Variants in DSCAM observed in about 807,000 individuals in gnomAD.
The protein encoded by DSCAM is DS cell adhesion molecule.
DSCAM carries 47 observed loss-of-function variants against 217.7 expected under a neutral mutation model. The observed-to-expected ratio is 0.22, with a 90% CI of 0.17 to 0.28. The LOEUF (loss-of-function observed/expected upper bound fraction) is 0.28. DSCAM is among the 10% of genes least tolerant of loss of function. The pLI is 1.00. For synonymous variants in DSCAM, 1,056 were observed against 1,015.3 expected, an observed-to-expected ratio of 1.04 and a Z score of -0.76; for missense variants, 2,080 against 2,618.3, an observed-to-expected ratio of 0.79 and a Z score of 4.49.
At chr21:40,362,041 C>T (rs906864435) in intron 4 of DSCAM, among the ~76,000 whole-genome samples, 9 of 152,024 alleles carry the variant, frequency 5.9e-5, no homozygotes, top group Non-Finnish European at 7.4e-5. Context: ...TTTGTCCTTG[C>T]GATAGTTTAC....
At chr21:40,596,454 A>ATT (rs1214877159) in intron 3 of DSCAM, among the ~76,000 whole-genome samples, 1 of 152,178 alleles carries the variant, frequency 6.6e-6, no homozygotes, top group Admixed American at 6.5e-5. Context: ...AGCTTATTGA[A>ATT]TTTTGTGGGT....
At chr21:40,259,222 G>A (rs754057652) in intron 11 of DSCAM, among the ~76,000 whole-genome samples, 1 of 151,542 alleles carries the variant, frequency 6.6e-6, no homozygotes, top group Non-Finnish European at 1.5e-5. Flanking sequence ...CATCCAGAGT[G>A]CAATGCAAAG....
intron 1 of DSCAM, among the ~76,000 whole-genome samples, chr21:40,845,540 CCTCTCTCTCT>C (rs71332310): frequency 4.0e-4 from 56 of 138,986 alleles, no homozygotes; most frequent in African/African-American, 5.8e-4. Flanking sequence ...CTCTTCTTCT[CCTCTCTCTCT>C]CTCTCTCTCT....
At chr21:40,209,473 G>A (rs966703664) in intron 11 of DSCAM, among the ~76,000 whole-genome samples, 6 of 152,112 alleles carry the variant, frequency 3.9e-5, no homozygotes, top group East Asian at 1.9e-4. Context: ...GGGCTGTCTC[G>A]ATTATTTCTT....
chr21:40,820,589 C>A (rs1034307517), intron 1 of DSCAM, among the ~76,000 whole-genome samples: 1 of 152,094 alleles, frequency 6.6e-6, no homozygotes, highest in Non-Finnish European at 1.5e-5. Flanking sequence ...AACAAACCTG[C>A]ACATTCTGCA....
chr21:40,474,315 T>TA (rs71285090), intron 3 of DSCAM, among the ~76,000 whole-genome samples: 55,648 of 150,458 alleles, frequency 0.37, 10,451 homozygotes, highest in Admixed American at 0.45. Context: ...TAATAAATAT[T>TA]AAAAAAAAAC....
At chr21:40,476,037 T>A (rs1359660650) in intron 3 of DSCAM, among the ~76,000 whole-genome samples, 1 of 152,184 alleles carries the variant, frequency 6.6e-6, no homozygotes, top group Non-Finnish European at 1.5e-5. Flanking sequence ...TTCACTCCCA[T>A]GCTGTACTAA....
intron 11 of DSCAM, among the ~76,000 whole-genome samples, chr21:40,235,213 G>C (rs2091415986): frequency 6.6e-6 from 1 of 152,182 alleles, no homozygotes; most frequent in Non-Finnish European, 1.5e-5. Flanking sequence ...CAGGGGGCCA[G>C]ATGGTGACCA....
At chr21:40,327,264 C>G (rs2074327869) in intron 8 of DSCAM, among the ~76,000 whole-genome samples, 1 of 152,060 alleles carries the variant, frequency 6.6e-6, no homozygotes, top group Non-Finnish European at 1.5e-5. Flanking sequence ...ATTCTTTTCC[C>G]TTTCTTATCT....
chr21:40,784,483 C>T (rs986451082), intron 1 of DSCAM, among the ~76,000 whole-genome samples: 23 of 152,110 alleles, frequency 1.5e-4, no homozygotes, highest in Admixed American at 7.9e-4. Flanking sequence ...AGTGTGAAAA[C>T]GGACTAATAC....
At chr21:40,270,328 C>G (rs2073598415) in intron 11 of DSCAM, among the ~76,000 whole-genome samples, 1 of 152,212 alleles carries the variant, frequency 6.6e-6, no homozygotes, top group South Asian at 2.1e-4. Flanking sequence ...GCGGGAGACT[C>G]CTTCCTTGGA....
At chr21:40,272,170 C>T (rs111577073) in intron 11 of DSCAM, among the ~76,000 whole-genome samples, 17 of 152,018 alleles carry the variant, frequency 1.1e-4, no homozygotes, top group South Asian at 4.2e-4. Flanking sequence ...CTGTAGCCCC[C>T]GATCGGCCTG....
At chr21:40,678,566 T>A (rs9981949) in intron 3 of DSCAM, among the ~76,000 whole-genome samples, 1 of 152,148 alleles carries the variant, frequency 6.6e-6, no homozygotes, top group Non-Finnish European at 1.5e-5. Flanking sequence ...GCTGTCATTT[T>A]TGCCATCCCT....
At chr21:40,309,326 C>T (rs894526676) in intron 9 of DSCAM, among the ~76,000 whole-genome samples, 4 of 152,198 alleles carry the variant, frequency 2.6e-5, no homozygotes, top group Admixed American at 2.0e-4. Context: ...TCTTCCTAAA[C>T]CAGTGACCAA....
At chr21:40,560,346 CCT>C (rs1326006014) in intron 3 of DSCAM, among the ~76,000 whole-genome samples, 4 of 152,080 alleles carry the variant, frequency 2.6e-5, no homozygotes, top group Non-Finnish European at 4.4e-5. Flanking sequence ...AGGGGGACCC[CCT>C]GTGTGGGGTG....
At chr21:40,751,703 G>A (rs1040614459) in intron 1 of DSCAM, among the ~76,000 whole-genome samples, 4 of 152,082 alleles carry the variant, frequency 2.6e-5, no homozygotes, top group African/African-American at 9.7e-5. Context: ...AGGGTGGGGT[G>A]GGGACGTGAT....
intron 32 of DSCAM, among the ~76,000 whole-genome samples, chr21:40,027,352 G>A (rs1272441702): frequency 6.6e-6 from 1 of 152,236 alleles, no homozygotes; most frequent in African/African-American, 2.4e-5. Flanking sequence ...ACAATTATGT[G>A]TCTTGGAGTT....
chr21:40,657,629 T>C (rs1377816324), intron 3 of DSCAM, among the ~76,000 whole-genome samples: 2 of 152,094 alleles, frequency 1.3e-5, no homozygotes, highest in East Asian at 1.9e-4. Context: ...TTTCTGGAAA[T>C]AAAATTGACA....
chr21:40,732,562 T>C (rs1434202460), intron 1 of DSCAM, among the ~76,000 whole-genome samples: 2 of 152,226 alleles, frequency 1.3e-5, no homozygotes, highest in Admixed American at 1.3e-4. Context: ...GGTCCTCTAA[T>C]TAATCACACA....
Sources: allele counts gnomAD v4.1 joint callset (sites outside exome capture counted in the v4.1 genomes callset), GRCh38; gene constraint gnomAD v4.1.1; transcripts MANE v1.5; gene names NCBI Gene and HGNC (gene_info 2026-07-23, HGNC 2026-07-21).